The following COL24A1 variants were observed in gnomAD, a reference collection of about 807,000 sequenced individuals.
COL24A1 encodes collagen type XXIV alpha 1 chain.
In COL24A1, 224 loss-of-function variants were observed where a neutral mutation model predicts 253.9. The observed-to-expected ratio is 0.88, with a 90% CI of 0.79 to 0.99. The LOEUF (loss-of-function observed/expected upper bound fraction) is 0.99. Among genes scored for constraint, COL24A1 ranks in the 50% least tolerant of loss-of-function variants. The pLI, the probability that COL24A1 is intolerant of heterozygous loss-of-function variation, is 0.00. For synonymous variants in COL24A1, 685 were observed against 673.7 expected, an observed-to-expected ratio of 1.02 and a Z score of -0.26; for missense variants, 2,131 against 2,068.5, an observed-to-expected ratio of 1.03 and a Z score of -0.59.
At chr1:85,962,110 T>C (rs1691141640) in intron 23 of COL24A1, among the ~76,000 whole-genome samples, 1 of 152,124 alleles carries the variant, frequency 6.6e-6, no homozygotes, top group South Asian at 2.1e-4. Flanking sequence ...TTAAGAAGAA[T>C]AAAATTAAAG....
intron 19 of COL24A1, among the ~76,000 whole-genome samples, chr1:85,997,851 G>C (rs1695002714): frequency 6.6e-6 from 1 of 152,112 alleles, no homozygotes; most frequent in Non-Finnish European, 1.5e-5. Context: ...AGGAAAAAAA[G>C]AGTGCTTTCT....
At chr1:85,796,828 T>C (rs1200872888) in intron 47 of COL24A1, among the ~76,000 whole-genome samples, 1 of 152,196 alleles carries the variant, frequency 6.6e-6, no homozygotes, top group Non-Finnish European at 1.5e-5. Flanking sequence ...ATTTTATAAA[T>C]GCTGCTTAAG....
chr1:85,887,591 G>T (rs367562992), intron 32 of COL24A1, among the ~76,000 whole-genome samples: 1 of 151,970 alleles, frequency 6.6e-6, no homozygotes, highest in Non-Finnish European at 1.5e-5. Context: ...CCATACATAA[G>T]GGAATCGTTG....
chr1:85,886,782 T>G (rs12727503), intron 32 of COL24A1, among the ~76,000 whole-genome samples: 30,050 of 152,144 alleles, frequency 0.2, 3,328 homozygotes, highest in Non-Finnish European at 0.24. Context: ...TTGTAATTCT[T>G]CCTTTTACTT....
chr1:86,100,476 T>C (rs1301128733), intron 5 of COL24A1, among the ~76,000 whole-genome samples: 1 of 152,104 alleles, frequency 6.6e-6, no homozygotes, highest in Non-Finnish European at 1.5e-5. Context: ...TAATAAAATA[T>C]ATATATTTGG....
At chr1:85,945,194 T>C (rs1689216404) in intron 24 of COL24A1, among the ~76,000 whole-genome samples, 1 of 151,180 alleles carries the variant, frequency 6.6e-6, no homozygotes, top group Non-Finnish European at 1.5e-5. Flanking sequence ...ATTTTTTGTA[T>C]TTTTAGTAGA....
chr1:86,142,534 C>CAAAAAAAAA, intron 2 of COL24A1, among the ~76,000 whole-genome samples: 1 of 128,936 alleles, frequency 7.8e-6, no homozygotes. Flanking sequence ...AAAAAAAAAA[C>CAAAAAAAAA]AAAAAACAAA....
chr1:85,989,123 T>G (rs1403142168), intron 19 of COL24A1, among the ~76,000 whole-genome samples: 1 of 151,770 alleles, frequency 6.6e-6, no homozygotes, highest in African/African-American at 2.4e-5. Flanking sequence ...TGTTTTTTTG[T>G]GGGGGGGATT....
chr1:85,945,002 G>GTTTTTTTTTTTTTTTT (rs1165341082), intron 24 of COL24A1, among the ~76,000 whole-genome samples: 6 of 35,358 alleles, frequency 1.7e-4, no homozygotes, highest in African/African-American at 3.6e-4. Context: ...CTATCATTGT[G>GTTTTTTTTTTTTTTTT]TTTTTTTTTT....
At chr1:85,797,748 G>T (rs1198780311) in intron 47 of COL24A1, among the ~76,000 whole-genome samples, 1 of 152,168 alleles carries the variant, frequency 6.6e-6, no homozygotes, top group Non-Finnish European at 1.5e-5. Flanking sequence ...ATACACATCA[G>T]CACCTGGAAC....
At chr1:86,090,570 C>T (rs1357446819) in intron 6 of COL24A1, among the ~76,000 whole-genome samples, 1 of 152,020 alleles carries the variant, frequency 6.6e-6, no homozygotes, top group Admixed American at 6.5e-5. Context: ...GTTTGCCCAC[C>T]CCCTTCTACT....
intron 5 of COL24A1, among the ~76,000 whole-genome samples, chr1:86,094,697 T>C (rs1282717213): frequency 2.0e-5 from 3 of 151,992 alleles, no homozygotes; most frequent in East Asian, 1.9e-4. Flanking sequence ...CACTGTTTGC[T>C]CCACTATTAA....
intron 37 of COL24A1, among the ~76,000 whole-genome samples, chr1:85,858,052 C>CA (rs1329773142): frequency 2.0e-5 from 3 of 152,182 alleles, no homozygotes; most frequent in African/African-American, 7.2e-5. Context: ...AGCTATGCCT[C>CA]TAAAATATGT....
chr1:85,978,936 G>A lies in COL24A1; in HGVS notation c.2365-7543C>T, dbSNP rs1017140128. Among the ~76,000 whole-genome samples the A allele has an allele frequency of 4.6e-5, 7 of 152,104 alleles. No homozygotes were observed. In the South Asian group the frequency reaches 6.2e-4, roughly 14 times the overall value. On this transcript the variant is annotated intron_variant, in intron 20 of 59. Transcript: ENST00000370571. Reference sequence around the variant, plus strand: ...ATTCTCCAAGATAGATCACATGAGAGACTGCAAAACAAGTCTCAATAAATT... The same window carrying A: ...ATTCTCCAAGATAGATCACATGAGAAACTGCAAAACAAGTCTCAATAAATT...
At chr1:85,827,568 G>C (rs1674550293) in intron 43 of COL24A1, among the ~76,000 whole-genome samples, 1 of 151,956 alleles carries the variant, frequency 6.6e-6, no homozygotes, top group Non-Finnish European at 1.5e-5. Context: ...GACTCTTTTT[G>C]GTTGGTAAGC....
chr1:86,089,362 C>G, intron 6 of COL24A1, 135 bp from the exon 7 acceptor site: 1 of 753,336 alleles, frequency 1.3e-6, no homozygotes. Flanking sequence ...ATCTTTGAGC[C>G]TGTTTCTGAG....
chr1:85,897,645 C>G (rs922103780), intron 28 of COL24A1, among the ~76,000 whole-genome samples: 9 of 152,082 alleles, frequency 5.9e-5, no homozygotes, highest in Non-Finnish European at 1.2e-4. Flanking sequence ...AAAAGTCATT[C>G]TATAAGAAAA....
intron 47 of COL24A1, among the ~76,000 whole-genome samples, chr1:85,791,741 C>T (rs1255958198): frequency 1.3e-5 from 2 of 151,830 alleles, no homozygotes; most frequent in Non-Finnish European, 2.9e-5. Flanking sequence ...AAAAAATTTT[C>T]AAAGATGAAA....
At chr1:86,127,609 T>C (rs1302690713) in intron 2 of COL24A1, among the ~76,000 whole-genome samples, 1 of 152,080 alleles carries the variant, frequency 6.6e-6, no homozygotes, top group Non-Finnish European at 1.5e-5. Context: ...GTTATAAATT[T>C]CCCATCTGTA....
Sources: gnomAD v4.1 joint callset for allele counts (sites outside exome capture counted in the v4.1 genomes callset) on GRCh38, gnomAD v4.1.1 for gene constraint, MANE v1.5 for transcripts, NCBI Gene and HGNC (gene_info 2026-07-23, HGNC 2026-07-21) for gene names.